The following RNLS variants were observed in gnomAD, a reference collection of about 807,000 sequenced individuals.
The protein encoded by RNLS is renalase, FAD dependent amine oxidase, also known as renalase.
In RNLS, 39 loss-of-function variants were observed where a neutral mutation model predicts 39.8. The observed-to-expected ratio is 0.98, with a 90% confidence interval of 0.76 to 1.28. RNLS has a LOEUF of 1.28. Among genes scored for constraint, RNLS ranks in the 50% most tolerant of loss-of-function variants. The pLI, the probability that RNLS is intolerant of heterozygous loss-of-function variation, is 0.00. For synonymous variants in RNLS, 147 were observed against 150.7 expected (o/e 0.98, Z 0.18); for missense variants, 410 against 413.3 (o/e 0.99, Z 0.07).
intron 5 of RNLS, among the ~76,000 whole-genome samples, chr10:88,352,355 T>C (rs1331424685): frequency 6.6e-6 from 1 of 152,202 alleles, no homozygotes; most frequent in African/African-American, 2.4e-5. Context: ...ATAGCTCTTA[T>C]TATTTTGAGA....
chr10:88,320,951 C>A (rs1398437710), intron 5 of RNLS, among the ~76,000 whole-genome samples: 2 of 149,854 alleles, frequency 1.3e-5, no homozygotes, highest in Non-Finnish European at 3.0e-5. Flanking sequence ...CCAAATGGAC[C>A]CAGTAAACAC....
At chr10:88,247,481 C>T in the RNLS span, among the ~76,000 whole-genome samples, 2 of 152,294 alleles carry the variant, frequency 1.3e-5, no homozygotes, top group Admixed American at 1.3e-4. Flanking sequence ...CCCAGTCTGC[C>T]ATTTACTGTG....
intron 4 of RNLS, among the ~76,000 whole-genome samples, chr10:88,555,735 G>C (rs1848839123): frequency 6.6e-6 from 1 of 152,134 alleles, no homozygotes; most frequent in Non-Finnish European, 1.5e-5. Flanking sequence ...ACTATAGTCA[G>C]TATTTGGTAC....
At chr10:88,539,075 C>A (rs530107804) in intron 4 of RNLS, among the ~76,000 whole-genome samples, 2 of 152,210 alleles carry the variant, frequency 1.3e-5, no homozygotes, top group East Asian at 3.9e-4. Context: ...GAAACTGTTT[C>A]TAAAAGACTA....
At chr10:88,454,297 T>C (rs542739463) in intron 4 of RNLS, among the ~76,000 whole-genome samples, 5 of 152,328 alleles carry the variant, frequency 3.3e-5, no homozygotes, top group African/African-American at 1.2e-4. Flanking sequence ...CTTGGTGCCA[T>C]TTTCCAGCCA....
chr10:88,195,103 T>A, the RNLS span, among the ~76,000 whole-genome samples: 1 of 152,214 alleles, frequency 6.6e-6, no homozygotes, highest in Non-Finnish European at 1.5e-5. Context: ...AATGCATTCA[T>A]CATCCCCTTT....
the RNLS span, among the ~76,000 whole-genome samples, chr10:88,234,092 C>T: frequency 1.5e-4 from 22 of 148,888 alleles, no homozygotes; most frequent in African/African-American, 5.5e-4. Context: ...AGCAGAGGCC[C>T]CTCCCTAAGG....
At chr10:88,282,851 C>T (rs1163523198), downstream of RNLS, among the ~76,000 whole-genome samples, 3 of 152,312 alleles carry the variant, frequency 2.0e-5, no homozygotes, top group East Asian at 5.8e-4. Context: ...AACACTGCAT[C>T]ATAAAGTTTT....
At chr10:88,277,359 G>A (rs1354330852) in intron 6 of RNLS, among the ~76,000 whole-genome samples, 4 of 152,100 alleles carry the variant, frequency 2.6e-5, no homozygotes, top group Non-Finnish European at 5.9e-5. Context: ...GGATAGCATT[G>A]GGAGAAATGC....
chr10:88,367,582 T>C (rs1030855675), intron 4 of RNLS, among the ~76,000 whole-genome samples: 1 of 152,198 alleles, frequency 6.6e-6, no homozygotes, highest in Non-Finnish European at 1.5e-5. Flanking sequence ...GCGCACTTAA[T>C]TCAGCTTTAG....
the RNLS span, among the ~76,000 whole-genome samples, chr10:88,208,425 T>C: frequency 6.6e-6 from 1 of 152,068 alleles, no homozygotes; most frequent in African/African-American, 2.4e-5. Context: ...ATGAAAATAG[T>C]CAATAAAATT....
intron 4 of RNLS, among the ~76,000 whole-genome samples, chr10:88,369,752 T>C (rs1850395447): frequency 6.6e-6 from 1 of 152,164 alleles, no homozygotes; most frequent in Admixed American, 6.5e-5. Context: ...CAATCTTTGC[T>C]CACTGCAACC....
chr10:88,274,186 G>A (rs765246294), exon 7 of RNLS: 1 of 152,026 alleles, frequency 6.6e-6, no homozygotes, highest in Admixed American at 6.6e-5. Context: ...ATTTATTGTG[G>A]TAAATATACA....
Position 88,546,033 on chromosome 10 carries a change from AG to A in RNLS, c.526+26869del, listed in dbSNP as rs1292816164. Among the ~76,000 whole-genome samples, 3 of 152,120 alleles carry A rather than the reference AG, an allele frequency of 2.0e-5. No individual in the cohort carries two copies. In the East Asian group the frequency reaches 5.8e-4, roughly 29 times the overall value. On this transcript the variant is annotated intron_variant, in intron 4 of 6. Transcript: ENST00000331772. ...GTGAAATTAAGTGCCCTAAACTGGT[AG>A]GGGGGAGGGATATTGAGAAAAATAT...
downstream of RNLS, among the ~76,000 whole-genome samples, chr10:88,271,907 G>A (rs1842660118): frequency 6.6e-6 from 1 of 152,192 alleles, no homozygotes; most frequent in Non-Finnish European, 1.5e-5. Context: ...ACGAAGGCCA[G>A]GACAGATAGT....
At chr10:88,481,323 T>G (rs1034915998) in intron 4 of RNLS, among the ~76,000 whole-genome samples, 1 of 152,206 alleles carries the variant, frequency 6.6e-6, no homozygotes. Flanking sequence ...TTATCATGGC[T>G]GGACTTACAT....
chr10:88,383,573 C>A (rs534522883), intron 4 of RNLS, among the ~76,000 whole-genome samples: 326 of 152,254 alleles, frequency 2.1e-3, no homozygotes, highest in African/African-American at 7.5e-3. Context: ...ACAATTCCAG[C>A]AGTGGATTTT....
chr10:88,343,415 T>C (rs1406122128), intron 5 of RNLS: 1 of 551,190 alleles, frequency 1.8e-6, no homozygotes, highest in Admixed American at 6.4e-5. Flanking sequence ...GTGGCTCCAT[T>C]TTCAAAAATG....
At chr10:88,423,344 T>TAACA (rs1854522232) in intron 4 of RNLS, among the ~76,000 whole-genome samples, 1 of 152,200 alleles carries the variant, frequency 6.6e-6, no homozygotes, top group East Asian at 1.9e-4. Context: ...CAGGTTCTGT[T>TAACA]CATTTGGACC....
Sources: gnomAD v4.1 joint callset for allele counts (sites outside exome capture counted in the v4.1 genomes callset) on GRCh38, gnomAD v4.1.1 for gene constraint, MANE v1.5 for transcripts, NCBI Gene and HGNC (gene_info 2026-07-23, HGNC 2026-07-21) for gene names.